Variants in PRKCA observed in about 807,000 individuals in gnomAD.
PRKCA encodes protein kinase C alpha, also known as protein kinase C alpha type.
Under a neutral mutation model 87.0 loss-of-function variants are expected in PRKCA, and 27 were observed. The ratio of observed to expected loss-of-function variants is 0.31; its 90% CI spans 0.23 to 0.43. The LOEUF is 0.43. Among genes scored for constraint, PRKCA ranks in the 20% least tolerant of loss-of-function variants. PRKCA has a pLI of 1.00. For missense variants in PRKCA, 518 were observed against 852.3 expected, an observed-to-expected ratio of 0.61 and a Z score of 4.88; for synonymous variants, 329 against 311.1, an observed-to-expected ratio of 1.06 and a Z score of -0.61.
At chr17:66,672,822 T>A (rs1972228204) in intron 5 of PRKCA, among the ~76,000 whole-genome samples, 1 of 152,224 alleles carries the variant, frequency 6.6e-6, no homozygotes, top group Admixed American at 6.5e-5. Flanking sequence ...TAAAACTTTA[T>A]TCCTAGTGTG....
At chr17:66,610,488 A>G (rs1045673695) in intron 3 of PRKCA, among the ~76,000 whole-genome samples, 4 of 152,186 alleles carry the variant, frequency 2.6e-5, no homozygotes, top group Non-Finnish European at 4.4e-5. Flanking sequence ...TCCAGTGACC[A>G]GCCTGTATCC....
intron 8 of PRKCA, among the ~76,000 whole-genome samples, chr17:66,712,078 T>C (rs1052055674): frequency 6.6e-6 from 1 of 152,178 alleles, no homozygotes; most frequent in African/African-American, 2.4e-5. Context: ...GTGTTGACTT[T>C]GGATACACAT....
At chr17:66,508,812 G>C (rs930502930) in intron 3 of PRKCA, among the ~76,000 whole-genome samples, 1 of 152,150 alleles carries the variant, frequency 6.6e-6, no homozygotes, top group Non-Finnish European at 1.5e-5. Flanking sequence ...TCTATGAACT[G>C]TCTTTCATAT....
intron 5 of PRKCA, among the ~76,000 whole-genome samples, chr17:66,655,690 ATG>A (rs892638624): frequency 2.0e-5 from 3 of 152,116 alleles, no homozygotes; most frequent in African/African-American, 7.2e-5. Flanking sequence ...TTTGTACCAA[ATG>A]TGTGTCTGTT....
At chr17:66,694,793 G>C (rs904949538) in intron 8 of PRKCA, among the ~76,000 whole-genome samples, 8 of 139,014 alleles carry the variant, frequency 5.8e-5, no homozygotes, top group Non-Finnish European at 1.1e-4. Context: ...AAAAAAAAAG[G>C]TATCTTCTAG....
intron 2 of PRKCA, among the ~76,000 whole-genome samples, chr17:66,363,711 T>TATTA (rs59709148): frequency 6.6e-6 from 1 of 152,062 alleles, no homozygotes; most frequent in East Asian, 1.9e-4. Flanking sequence ...TTTATTTATT[T>TATTA]GTTTGTTTTG....
intron 3 of PRKCA, among the ~76,000 whole-genome samples, chr17:66,501,432 C>T (rs549532818): frequency 3.9e-5 from 6 of 152,266 alleles, no homozygotes; most frequent in African/African-American, 1.2e-4. Context: ...ACTTTAAGTC[C>T]GTCCCCATAC....
At chr17:66,505,771 A>C (rs1916948690) in intron 3 of PRKCA, among the ~76,000 whole-genome samples, 1 of 152,220 alleles carries the variant, frequency 6.6e-6, no homozygotes, top group South Asian at 2.1e-4. Flanking sequence ...GTCTGGGAAC[A>C]GATCTTTGTG....
intron 2 of PRKCA, among the ~76,000 whole-genome samples, chr17:66,479,097 G>T (rs2144043806): frequency 6.6e-6 from 1 of 152,106 alleles, no homozygotes; most frequent in African/African-American, 2.4e-5. Flanking sequence ...CTACAGAATG[G>T]GAGAAAATTT....
At chr17:66,454,388 T>G (rs1914484177) in intron 2 of PRKCA, among the ~76,000 whole-genome samples, 1 of 152,190 alleles carries the variant, frequency 6.6e-6, no homozygotes, top group Non-Finnish European at 1.5e-5. Flanking sequence ...TCATGGAATT[T>G]GGGATAAATG....
intron 5 of PRKCA, among the ~76,000 whole-genome samples, chr17:66,681,533 A>G (rs904678531): frequency 2.6e-5 from 4 of 152,194 alleles, no homozygotes; most frequent in Non-Finnish European, 2.9e-5. Flanking sequence ...CAAGTATATA[A>G]GACTTACTTT....
At chr17:66,582,262 T>C (rs1969465548) in intron 3 of PRKCA, among the ~76,000 whole-genome samples, 1 of 152,226 alleles carries the variant, frequency 6.6e-6, no homozygotes, top group Non-Finnish European at 1.5e-5. Context: ...ACTTCTGTGC[T>C]ACAGGTGGAA....
At chr17:66,628,133 C>A (rs568610459) in intron 3 of PRKCA, among the ~76,000 whole-genome samples, 1 of 151,744 alleles carries the variant, frequency 6.6e-6, no homozygotes, top group African/African-American at 2.4e-5. Flanking sequence ...AAGCGTCCAG[C>A]ACAACCACAA....
chr17:66,435,282 C>T (rs911399232), intron 2 of PRKCA, among the ~76,000 whole-genome samples: 2 of 152,198 alleles, frequency 1.3e-5, no homozygotes, highest in South Asian at 4.1e-4. Context: ...ATCACAGTAC[C>T]TTGCTAGACC....
chr17:66,676,156 C>T (rs1972322557), intron 5 of PRKCA, among the ~76,000 whole-genome samples: 1 of 152,142 alleles, frequency 6.6e-6, no homozygotes, highest in Admixed American at 6.5e-5. Flanking sequence ...TCCCTCGCAG[C>T]ATCGTCAGAA....
At chr17:66,715,659 C>T (rs1973454864) in intron 8 of PRKCA, among the ~76,000 whole-genome samples, 1 of 152,188 alleles carries the variant, frequency 6.6e-6, no homozygotes, top group Non-Finnish European at 1.5e-5. Context: ...CGTTGGCACT[C>T]TATAGTTCCG....
chr17:66,494,528 G>GTGGA (rs1916382441), intron 2 of PRKCA, among the ~76,000 whole-genome samples: 1 of 152,184 alleles, frequency 6.6e-6, no homozygotes, highest in East Asian at 1.9e-4. Context: ...AGCCCTCATG[G>GTGGA]TGGAGTGACC....
intron 8 of PRKCA, among the ~76,000 whole-genome samples, chr17:66,725,302 A>G (rs1973717462): frequency 6.6e-6 from 1 of 152,194 alleles, no homozygotes; most frequent in Non-Finnish European, 1.5e-5. Context: ...TTAGTTTGTC[A>G]TCTGGCCAAC....
chr17:66,417,822 A>AG (rs1912244180), intron 2 of PRKCA, among the ~76,000 whole-genome samples: 2 of 152,196 alleles, frequency 1.3e-5, no homozygotes, highest in African/African-American at 4.8e-5. Flanking sequence ...ATGGCAAAAA[A>AG]GAGTCCTAGA....
Sources: allele counts gnomAD v4.1 joint callset (sites outside exome capture counted in the v4.1 genomes callset), GRCh38; gene constraint gnomAD v4.1.1; transcripts MANE v1.5; gene names NCBI Gene and HGNC (gene_info 2026-07-23, HGNC 2026-07-21).